Variants in PKHD1 observed in about 807,000 individuals in gnomAD.
PKHD1 encodes fibrocystin.
In PKHD1, 291 loss-of-function variants were observed where a neutral mutation model predicts 412.0. That is an observed-to-expected ratio of 0.71 (90% CI 0.64 to 0.78). The LOEUF (loss-of-function observed/expected upper bound fraction) is 0.78. Among genes scored for constraint, PKHD1 ranks in the 30% least tolerant of loss-of-function variants. The pLI is 0.00. For synonymous variants in PKHD1, 1,777 were observed against 1,821.5 expected (o/e 0.98, Z 0.62); for missense variants, 4,825 against 4,950.7 (o/e 0.97, Z 0.76).
At position 52,079,728 on chromosome 6, in the gene PKHD1, G is replaced by A. The variant is rs116488010; in HGVS notation, c.390+172C>T. ...TTTAGCTAAAGGCTGACATACAAAC[G>A]TTCAAAATTCATCTTTCATTAGTAT... On this transcript the variant is annotated intron_variant, in intron 5 of 66. Coordinates refer to ENST00000371117, the MANE Select transcript of PKHD1 (RefSeq NM_138694.4). Among the ~76,000 whole-genome samples, 815 of 152,210 alleles carry A rather than the reference G, an allele frequency of 5.4e-3. 7 individuals are homozygous for A. The highest frequency in any genetic ancestry group is 0.018 in the African/African-American group (768 of 41,542).
intron 59 of PKHD1, among the ~76,000 whole-genome samples, chr6:51,744,858 T>C (rs1785001384): frequency 6.6e-6 from 1 of 152,138 alleles, no homozygotes; most frequent in Admixed American, 6.5e-5. Context: ...ATAATTATTT[T>C]TAGGAATTTC....
chr6:51,932,170 T>C (rs1161540592), intron 37 of PKHD1, among the ~76,000 whole-genome samples: 1 of 152,236 alleles, frequency 6.6e-6, no homozygotes, highest in Non-Finnish European at 1.5e-5. Flanking sequence ...ATATTGACTG[T>C]AAGCAATGGG....
chr6:52,074,399 G>T (rs1238251862), intron 6 of PKHD1, among the ~76,000 whole-genome samples: 3 of 152,182 alleles, frequency 2.0e-5, no homozygotes, highest in African/African-American at 7.2e-5. Context: ...ATGACCTAAT[G>T]ACAGGCAAAG....
chr6:51,805,162 CT>C (rs758711251), intron 52 of PKHD1, among the ~76,000 whole-genome samples: 49 of 152,156 alleles, frequency 3.2e-4, no homozygotes, highest in Non-Finnish European at 6.5e-4. Flanking sequence ...GATAAAGAAA[CT>C]GTGGTACACA....
chr6:51,743,468 G>T (rs1784813982), intron 60 of PKHD1, among the ~76,000 whole-genome samples: 1 of 152,178 alleles, frequency 6.6e-6, no homozygotes, highest in Non-Finnish European at 1.5e-5. Context: ...TTGAGTCTGA[G>T]ATGTCTACTA....
chr6:51,981,314 T>TG (rs1795144647), intron 35 of PKHD1, among the ~76,000 whole-genome samples: 1 of 6,768 alleles, frequency 1.5e-4, no homozygotes, highest in African/African-American at 3.6e-4. Flanking sequence ...GCTCAAGCTC[T>TG]CCCTCTCCCT....
At chr6:52,086,334 C>T (rs1812789751) in intron 1 of PKHD1, among the ~76,000 whole-genome samples, 1 of 151,972 alleles carries the variant, frequency 6.6e-6, no homozygotes, top group South Asian at 2.1e-4. Flanking sequence ...TGGTCTTGAA[C>T]TCCTGGCCTC....
At chr6:52,067,981 G>A (rs1810008808) in intron 11 of PKHD1, among the ~76,000 whole-genome samples, 1 of 152,146 alleles carries the variant, frequency 6.6e-6, no homozygotes, top group African/African-American at 2.4e-5. Flanking sequence ...AAGAGGTGAT[G>A]GGGTCCAGAA....
intron 36 of PKHD1, among the ~76,000 whole-genome samples, chr6:51,957,492 G>C (rs1791324479): frequency 6.6e-6 from 1 of 152,050 alleles, no homozygotes; most frequent in Admixed American, 6.6e-5. Context: ...TGAAATATGG[G>C]AACAAAATAA....
At chr6:51,771,975 G>A (rs1460945962) in intron 55 of PKHD1, among the ~76,000 whole-genome samples, 1 of 152,044 alleles carries the variant, frequency 6.6e-6, no homozygotes, top group Non-Finnish European at 1.5e-5. Context: ...TGAAGATAAT[G>A]TAATAAAGCA....
chr6:52,075,320 G>A (rs1187601859), intron 6 of PKHD1, among the ~76,000 whole-genome samples: 1 of 152,138 alleles, frequency 6.6e-6, no homozygotes, highest in Non-Finnish European at 1.5e-5. Context: ...TGACATGCTT[G>A]AGCAGTTGAG....
intron 35 of PKHD1, among the ~76,000 whole-genome samples, chr6:51,965,589 C>T (rs1178648648): frequency 6.8e-6 from 1 of 146,604 alleles, no homozygotes; most frequent in Non-Finnish European, 1.5e-5. Flanking sequence ...TGGTTATAAA[C>T]CCCTCATGAT....
At chr6:51,959,207 T>A (rs1370141004) in intron 36 of PKHD1, among the ~76,000 whole-genome samples, 1 of 152,114 alleles carries the variant, frequency 6.6e-6, no homozygotes, top group Non-Finnish European at 1.5e-5. Context: ...CATTTGCCAA[T>A]GAACAGAGGC....
At chr6:51,682,201 G>A (rs1185854140) in intron 60 of PKHD1, 1 of 455,658 alleles carries the variant, frequency 2.2e-6, no homozygotes, top group Admixed American at 2.4e-5. Context: ...TCAGGGAAGA[G>A]GATAAAGAAC....
chr6:51,972,568 G>A (rs1381492275), intron 35 of PKHD1, among the ~76,000 whole-genome samples: 5 of 152,160 alleles, frequency 3.3e-5, no homozygotes, highest in South Asian at 4.1e-4. Context: ...TTCCTTGTAC[G>A]TGCAGATTTT....
At chr6:51,701,925 T>C (rs1457962741) in intron 60 of PKHD1, among the ~76,000 whole-genome samples, 1 of 151,550 alleles carries the variant, frequency 6.6e-6, no homozygotes, top group Non-Finnish European at 1.5e-5. Context: ...CACATTTTTA[T>C]TGATAAAATT....
chr6:51,690,215 C>T (rs528696185), intron 60 of PKHD1, among the ~76,000 whole-genome samples: 9 of 139,696 alleles, frequency 6.4e-5, no homozygotes, highest in Admixed American at 2.5e-4. Context: ...GAGGTTGTAG[C>T]GAGCCGAGAT....
chr6:51,991,157 C>T (rs939516342), intron 35 of PKHD1, among the ~76,000 whole-genome samples: 3 of 152,144 alleles, frequency 2.0e-5, no homozygotes, highest in Admixed American at 6.5e-5. Context: ...TGTAACTTCA[C>T]TTATTTGGGT....
At position 52,054,226 on chromosome 6, in the gene PKHD1, A is replaced by T. The variant is rs1807344637; in HGVS notation, c.1837-61T>A. On this transcript the variant is annotated intron_variant, in intron 19 of 66. Transcript: ENST00000371117. Reference sequence around the variant, plus strand: ...TGCAAGAAGCAGTCATTCAAACAATACGTAGTGAGGAGTCCACATCCCTAG... The same window carrying T: ...TGCAAGAAGCAGTCATTCAAACAATTCGTAGTGAGGAGTCCACATCCCTAG... 3.2e-6 allele frequency: 5 copies of T among 1,557,340 alleles called. No individual in the cohort carries two copies. In the East Asian group the frequency reaches 1.1e-4, roughly 35 times the overall value.
Sources: allele counts gnomAD v4.1 joint callset (sites outside exome capture counted in the v4.1 genomes callset), GRCh38; gene constraint gnomAD v4.1.1; transcripts MANE v1.5; gene names NCBI Gene and HGNC (gene_info 2026-07-23, HGNC 2026-07-21).